The following LHFPL4 variants were observed in gnomAD, a reference collection of about 807,000 sequenced individuals.
LHFPL4 encodes the protein LHFPL tetraspan subfamily member 4.
A neutral mutation model predicts 20.0 loss-of-function variants in LHFPL4; 6 were observed. The observed-to-expected ratio is 0.30, with a 90% CI of 0.16 to 0.59. The LOEUF (loss-of-function observed/expected upper bound fraction) is 0.59, where lower values mean the gene tolerates loss of function less well. Among genes scored for constraint, LHFPL4 ranks in the 20% least tolerant of loss-of-function variants. The probability of loss-of-function intolerance (pLI) is 0.88; values close to 1 mark genes in which losing one functional copy is unlikely to be tolerated. For synonymous variants in LHFPL4, 129 were observed against 143.8 expected (o/e 0.90, Z 0.74); for missense variants, 215 against 331.2 (o/e 0.65, Z 2.72).
intron 2 of LHFPL4, among the ~76,000 whole-genome samples, chr3:9,509,281 A>C (rs2046241908): frequency 7.8e-6 from 1 of 127,862 alleles, no homozygotes; most frequent in African/African-American, 3.2e-5. Context: ...CCTAGTGCTC[A>C]AGTCTCAGTC....
intron 2 of LHFPL4, among the ~76,000 whole-genome samples, chr3:9,533,111 A>G (rs1014939804): frequency 6.6e-6 from 1 of 152,194 alleles, no homozygotes; most frequent in Non-Finnish European, 1.5e-5. Context: ...CTGGAAGGTG[A>G]TCCAGCACCA....
chr3:9,532,698 CT>C (rs1182307800), intron 2 of LHFPL4, among the ~76,000 whole-genome samples: 1 of 152,134 alleles, frequency 6.6e-6, no homozygotes, highest in Non-Finnish European at 1.5e-5. Flanking sequence ...TTAGGGAGGC[CT>C]TTTTTGTGTT....
At chr3:9,502,389 G>A in intron 3 of LHFPL4, 78 bp from the exon 4 acceptor site, 1 of 1,097,242 alleles carries the variant, frequency 9.1e-7, no homozygotes. Context: ...GGCTTTCCTT[G>A]CACATTCCCC....
In LHFPL4 at chr3:9,500,696, A is replaced by T. The variant is rs1693721767; in HGVS notation, c.*1515T>A. 1 of 152,238 alleles carries T rather than the reference A, an allele frequency of 6.6e-6. No homozygotes were observed. The highest frequency in any genetic ancestry group is 1.5e-5 in the Non-Finnish European group (1 of 68,062). The allele number at this position is 152,238 out of a possible 1,614,324, so 9.4% of individuals were successfully genotyped here. ...CTGCAGGGCACCGCCCCTTCCCTGCAGGTCCAGGCCGCCAGGAGGGGGCGC... is the reference window on the plus strand; with the variant it reads ...CTGCAGGGCACCGCCCCTTCCCTGCTGGTCCAGGCCGCCAGGAGGGGGCGC... On this transcript the variant is annotated 3_prime_UTR_variant, in exon 4 of 4. Coordinates refer to ENST00000287585, the MANE Select transcript of LHFPL4 (RefSeq NM_198560.3).
At chr3:9,522,272 G>A (rs1024350487) in intron 2 of LHFPL4, among the ~76,000 whole-genome samples, 1 of 151,900 alleles carries the variant, frequency 6.6e-6, no homozygotes, top group Admixed American at 6.6e-5. Flanking sequence ...GGGATTACAG[G>A]CGTGAGCCAC....
At chr3:9,547,339 G>A (rs1487504464) in intron 2 of LHFPL4, among the ~76,000 whole-genome samples, 1 of 152,074 alleles carries the variant, frequency 6.6e-6, no homozygotes, top group Non-Finnish European at 1.5e-5. Context: ...TGGCACCCCC[G>A]ACCCTTAACC....
At chr3:9,509,159 C>A (rs1271031697) in intron 2 of LHFPL4, among the ~76,000 whole-genome samples, 1 of 152,138 alleles carries the variant, frequency 6.6e-6, no homozygotes, top group Non-Finnish European at 1.5e-5. Flanking sequence ...TTTCCGCCTG[C>A]ACGTTTTTTC....
At chr3:9,549,287 C>T (rs2046537292) in intron 2 of LHFPL4, among the ~76,000 whole-genome samples, 1 of 152,064 alleles carries the variant, frequency 6.6e-6, no homozygotes, top group Non-Finnish European at 1.5e-5. Flanking sequence ...CAGGACTAAG[C>T]ATAGGGATGG....
chr3:9,524,370 A>C (rs977761078), intron 2 of LHFPL4, among the ~76,000 whole-genome samples: 1 of 151,886 alleles, frequency 6.6e-6, no homozygotes, highest in African/African-American at 2.4e-5. Context: ...TGTTATTCTA[A>C]ATATGTAAAT....
intron 2 of LHFPL4, among the ~76,000 whole-genome samples, chr3:9,538,209 C>T (rs1031804855): frequency 6.6e-6 from 1 of 152,294 alleles, no homozygotes; most frequent in East Asian, 1.9e-4. Flanking sequence ...TCCCATCAAG[C>T]CTCCAACTGG....
At chr3:9,546,767 C>T (rs2125667942) in intron 2 of LHFPL4, among the ~76,000 whole-genome samples, 1 of 152,332 alleles carries the variant, frequency 6.6e-6, no homozygotes, top group Middle Eastern at 3.4e-3. Flanking sequence ...AACTGCTCTT[C>T]CCTCGGACTA....
At chr3:9,516,240 T>C (rs886630869) in intron 2 of LHFPL4, among the ~76,000 whole-genome samples, 2 of 152,186 alleles carry the variant, frequency 1.3e-5, no homozygotes, top group African/African-American at 4.8e-5. Context: ...TTTATGTCTG[T>C]GAAACATTTT....
chr3:9,552,967 G>C (rs1436636629), intron 1 of LHFPL4, 120 bp from the exon 2 acceptor site: 2 of 136,540 alleles, frequency 1.5e-5, no homozygotes, highest in Non-Finnish European at 3.2e-5. Context: ...GCCTAGGATG[G>C]GGATATGAGA....
chr3:9,524,026 T>G (rs1465009130), intron 2 of LHFPL4, among the ~76,000 whole-genome samples: 1 of 143,576 alleles, frequency 7.0e-6, no homozygotes, highest in African/African-American at 2.5e-5. Context: ...CATTCTCTTC[T>G]TGCTTGCACA....
At chr3:9,509,283 G>T (rs372043207) in intron 2 of LHFPL4, among the ~76,000 whole-genome samples, 1 of 138,548 alleles carries the variant, frequency 7.2e-6, no homozygotes, top group East Asian at 2.3e-4. Flanking sequence ...TAGTGCTCAA[G>T]TCTCAGTCTG....
intron 2 of LHFPL4, among the ~76,000 whole-genome samples, chr3:9,521,691 C>A (rs1179128722): frequency 7.0e-6 from 1 of 142,852 alleles, no homozygotes; most frequent in Non-Finnish European, 1.5e-5. Flanking sequence ...GCATGAGCCA[C>A]CACGCCCAGC....
intron 2 of LHFPL4, chr3:9,550,843 CAA>C (rs1344554876): frequency 6.6e-6 from 1 of 152,180 alleles, no homozygotes; most frequent in African/African-American, 2.4e-5. Flanking sequence ...CTGCCTTCTT[CAA>C]AATAGTCCTT....
chr3:9,524,393 G>A (rs2046360660), intron 2 of LHFPL4, among the ~76,000 whole-genome samples: 1 of 151,788 alleles, frequency 6.6e-6, no homozygotes, highest in African/African-American at 2.4e-5. Flanking sequence ...TACAACTTTT[G>A]TAGCCATCAT....
In LHFPL4 at chr3:9,531,263, G is replaced by A. The variant is rs542720329; in HGVS notation, c.406+21011C>T. On this transcript the variant is annotated intron_variant, in intron 2 of 3. Coordinates refer to ENST00000287585, the MANE Select transcript of LHFPL4 (RefSeq NM_198560.3). Reference sequence around the variant, plus strand: ...TGACACAGAGCCACGAAGTGGGCACGTGCTGCAGGGAAAATAGTTCCGACA... The same window carrying A: ...TGACACAGAGCCACGAAGTGGGCACATGCTGCAGGGAAAATAGTTCCGACA... Among the ~76,000 whole-genome samples, 29 of 152,342 alleles carry A rather than the reference G, an allele frequency of 1.9e-4. No homozygotes were observed. In the South Asian group the frequency reaches 3.9e-3, roughly 21 times the overall value.
Sources: gnomAD v4.1 joint callset for allele counts (sites outside exome capture counted in the v4.1 genomes callset) on GRCh38, gnomAD v4.1.1 for gene constraint, MANE v1.5 for transcripts, NCBI Gene and HGNC (gene_info 2026-07-23, HGNC 2026-07-21) for gene names.